The following VCP variants were observed in gnomAD, a reference collection of about 807,000 sequenced individuals.
VCP encodes the protein valosin containing protein.
Under a neutral mutation model 85.7 loss-of-function variants are expected in VCP, and 6 were observed. The observed-to-expected ratio is 0.07, with a 90% CI of 0.04 to 0.14. The LOEUF (loss-of-function observed/expected upper bound fraction) is 0.14, where lower values mean the gene tolerates loss of function less well. Among genes scored for constraint, VCP ranks in the 10% least tolerant of loss-of-function variants. VCP has a pLI of 1.00. For synonymous variants in VCP, 384 were observed against 367.1 expected (o/e 1.05, Z -0.53); for missense variants, 353 against 1,043.4 (o/e 0.34, Z 9.12).
At chr9:35,067,309 G>C (rs1027782282) in intron 3 of VCP, among the ~76,000 whole-genome samples, 1 of 152,172 alleles carries the variant, frequency 6.6e-6, no homozygotes, top group Admixed American at 6.5e-5. Context: ...GTGATGGTTG[G>C]TTGGGTAGGA....
At chr9:35,064,021 G>C in intron 6 of VCP, 133 bp downstream of exon 6, 1 of 1,432,022 alleles carries the variant, frequency 7.0e-7, no homozygotes, top group Non-Finnish European at 9.7e-7. Context: ...GTAAACTAAA[G>C]GATACGTTAT....
chr9:35,069,095 G>A (rs1828888774), intron 1 of VCP, among the ~76,000 whole-genome samples: 1 of 152,168 alleles, frequency 6.6e-6, no homozygotes, highest in African/African-American at 2.4e-5. Flanking sequence ...TAAACCTACT[G>A]ATGCCAGGGC....
chr9:35,069,556 G>A (rs959929550), intron 1 of VCP, among the ~76,000 whole-genome samples: 1 of 149,672 alleles, frequency 6.7e-6, no homozygotes. Flanking sequence ...GGGTTCAAGT[G>A]ATTCTCCTGC....
At chr9:35,062,420 T>C in intron 7 of VCP, 70 bp from the exon 8 acceptor site, 1 of 1,610,594 alleles carries the variant, frequency 6.2e-7, no homozygotes. Flanking sequence ...AAATCAGTTA[T>C]CTTGCTTGTT....
chr9:35,070,644 C>A (rs1489237449), intron 1 of VCP, among the ~76,000 whole-genome samples: 1 of 152,100 alleles, frequency 6.6e-6, no homozygotes, highest in East Asian at 1.9e-4. Context: ...CCATGTTGCC[C>A]GGGCTGGTCT....
rs769080463 is a variant in VCP, at chr9:35,057,242, C to G, written c.2316-20G>C. 4 of 1,613,976 alleles carry G rather than the reference C, an allele frequency of 2.5e-6. No individual in the cohort carries two copies. The highest frequency in any genetic ancestry group is 1.7e-6 in the Non-Finnish European group (2 of 1,180,004). Reference sequence around the variant, plus strand: ...GGGAATCTGTGTACAAGAGCAAAGCCAAAAAAGAGGGTTAGGACAGGGCCT... The same window carrying G: ...GGGAATCTGTGTACAAGAGCAAAGCGAAAAAAGAGGGTTAGGACAGGGCCT... On this transcript the variant is annotated intron_variant, in intron 16 of 16. Transcript: ENST00000358901.
chr9:35,059,380 T>C lies in VCP; in HGVS notation c.2004+113A>G. ...TCTTGATATCCTCAAAAATTCTACC[T>C]TCCCTTTAGACCAACCCTAACCCCA... On this transcript the variant is annotated intron_variant, in intron 14 of 16. Coordinates refer to ENST00000358901, the MANE Select transcript of VCP (RefSeq NM_007126.5). The surrounding 1 kb of genome is among the most constrained non-coding windows in gnomAD (Gnocchi z 4.9). 1 of 1,534,206 alleles carries C rather than the reference T, an allele frequency of 6.5e-7. No individual in the cohort carries two copies. Among genetic ancestry groups the C allele is most frequent in the South Asian group, 1.2e-5 (1 of 84,890 alleles).
chr9:35,066,655 A>G lies in VCP; in HGVS notation c.445+20T>C, dbSNP rs758842516. 2 of 1,613,802 alleles carry G rather than the reference A, an allele frequency of 1.2e-6. No individual in the cohort carries two copies. Among genetic ancestry groups the G allele is most frequent in the African/African-American group, 1.3e-5 (1 of 74,930 alleles). On this transcript the variant is annotated intron_variant, in intron 4 of 16. Coordinates refer to ENST00000358901, the MANE Select transcript of VCP (RefSeq NM_007126.5). The stretch of plus-strand genomic sequence containing the variant: ...TATTCCCTACAGTCAATAATCCTTA[A>G]GCTCAGAATTAGCTCTCACCTTTCC...
Position 35,057,381 on chromosome 9 carries a change from G to A in VCP, c.2310C>T (p.Ser770=). 6.2e-7 allele frequency: 1 copy of A among 1,614,250 alleles called. No individual in the cohort carries two copies. The highest frequency in any genetic ancestry group is 8.5e-7 in the Non-Finnish European group (1 of 1,180,048). The change falls in exon 16 of 17, where the codon AGC becomes AGT. Residue 770 remains serine, a synonymous_variant. Coordinates refer to ENST00000358901, the MANE Select transcript of VCP (RefSeq NM_007126.5). ...AATGCTCCCAACCAACTTACCTGAAGCTGCCAAAGCCCCGACTCTGCTGAA... is the reference window on the plus strand; with the variant it reads ...AATGCTCCCAACCAACTTACCTGAAACTGCCAAAGCCCCGACTCTGCTGAA... ...QTLQQSRGFG[S]FRFPSGNQGG...
intron 3 of VCP, 60 bp downstream of exon 3, chr9:35,067,831 C>A: frequency 6.2e-7 from 1 of 1,609,422 alleles, no homozygotes; most frequent in Admixed American, 1.7e-5. Context: ...ATGGGTCCTG[C>A]CTGTAATGCA....
Position 35,056,991 on chromosome 9 carries a change from A to C in VCP, c.*126T>G. The C allele has an allele frequency of 2.2e-6, 2 of 914,822 alleles. No homozygotes were observed. The highest frequency in any genetic ancestry group is 2.6e-5 in the South Asian group (2 of 75,862). 56.7% of individuals were successfully genotyped at this position (914,822 alleles called of 1,614,324 possible). On this transcript the variant is annotated 3_prime_UTR_variant, in exon 17 of 17. Transcript: ENST00000358901. ...CCTGTCCAGAGTCAGACTGTAGCTG[A>C]ACTGTTCAGACTGGAGAATGGAGCA...
At chr9:35,069,611 C>T (rs489922) in intron 1 of VCP, among the ~76,000 whole-genome samples, 1 of 152,068 alleles carries the variant, frequency 6.6e-6, no homozygotes, top group East Asian at 1.9e-4. Flanking sequence ...CGCCACCACA[C>T]CTGGCTAATT....
chr9:35,067,040 C>G (rs541795781), intron 3 of VCP, among the ~76,000 whole-genome samples: 2 of 152,290 alleles, frequency 1.3e-5, no homozygotes, highest in East Asian at 3.9e-4. Context: ...ATTTAGAAAC[C>G]CCACAAAGAC....
chr9:35,063,028 A>G lies in VCP; in HGVS notation c.761T>C (p.Ile254Thr). 6.2e-7 allele frequency: 1 copy of G among 1,614,064 alleles called. No homozygotes were observed. The highest frequency in any genetic ancestry group is 8.5e-7 in the Non-Finnish European group (1 of 1,180,012). Reference sequence around the variant, plus strand: ...AGTCTCATTTGCTACAGCTCGAGCAATCAGGGTCTTTCCTGTTCCAGGAGG... The same window carrying G: ...AGTCTCATTTGCTACAGCTCGAGCAGTCAGGGTCTTTCCTGTTCCAGGAGG... ...YGPPGTGKTLIARAVANETGA... is the reference protein window; with the variant it reads ...YGPPGTGKTLTARAVANETGA... Residue 254 changes from isoleucine to threonine, a missense_variant, in exon 7 of 17, where the codon ATT becomes ACT. Ile to Thr is a moderately conservative substitution (Grantham distance 89). Coordinates refer to ENST00000358901, the MANE Select transcript of VCP (RefSeq NM_007126.5).
At chr9:35,071,870 T>G (rs1336255592) in intron 1 of VCP, 5 of 993,650 alleles carry the variant, frequency 5.0e-6, no homozygotes, top group Non-Finnish European at 6.0e-6. Context: ...GGCCTTCACA[T>G]GGCGCAAAGT....
chr9:35,059,333 T>C lies in VCP; in HGVS notation c.2005-114A>G. The C allele has an allele frequency of 1.3e-6, 2 of 1,545,248 alleles. No individual in the cohort carries two copies. The highest frequency in any genetic ancestry group is 1.8e-6 in the Non-Finnish European group (2 of 1,137,286). On this transcript the variant is annotated intron_variant, in intron 14 of 16. Coordinates refer to ENST00000358901, the MANE Select transcript of VCP (RefSeq NM_007126.5). The surrounding 1 kb of genome is among the most constrained non-coding windows in gnomAD (Gnocchi z 4.9). Reference sequence around the variant, plus strand: ...GTTTGCCCCTTCTTTGGCCACCCCATTTTATTCCTGATTCTAGATTATCTT... The same window carrying C: ...GTTTGCCCCTTCTTTGGCCACCCCACTTTATTCCTGATTCTAGATTATCTT...
Position 35,072,378 on chromosome 9 carries a change from G to A in VCP, c.-25C>T, listed in dbSNP as rs1230307606. On this transcript the variant is annotated 5_prime_UTR_variant, in exon 1 of 17. Transcript: ENST00000358901. ...TGGCGCGCGCCTCTCCCGGCCGGCG[G>A]CTGTGGCGGCCCGCGGGTAACGGCT... The A allele has an allele frequency of 4.7e-6, 7 of 1,474,334 alleles. No homozygotes were observed. The African/African-American group carries it at 5.9e-5, about 12-fold the overall frequency. The allele number at this position is 1,474,334 out of a possible 1,614,324, so 91.3% of individuals were successfully genotyped here.
At position 35,063,057 on chromosome 9, in the gene VCP, G is replaced by A. The variant is rs201610567; in HGVS notation, c.732C>T (p.Tyr244=). 34 of 1,614,088 alleles carry A rather than the reference G, an allele frequency of 2.1e-5. No individual in the cohort carries two copies. Among genetic ancestry groups the A allele is most frequent in the Admixed American group, 1.7e-4 (10 of 60,012 alleles). ...GGGTCTTTCCTGTTCCAGGAGGTCC[G>A]TAAAGCAGGATTCCTCTAGGAGGCT... The part of the protein sequence containing the change: ...GVKPPRGILL[Y]GPPGTGKTLI... The change falls in exon 7 of 17, where the codon TAC becomes TAT. Residue 244 remains tyrosine (Y), a synonymous_variant. Coordinates refer to ENST00000358901, the MANE Select transcript of VCP (RefSeq NM_007126.5).
chr9:35,072,004 G>C (rs739844), intron 1 of VCP: 746,737 of 1,120,266 alleles, frequency 0.67, 259,397 homozygotes, highest in Non-Finnish European at 0.71. Flanking sequence ...GGGGCGCCGC[G>C]CCGGCGGAGT....
Sources: gnomAD v4.1 joint callset for allele counts (sites outside exome capture counted in the v4.1 genomes callset) on GRCh38, gnomAD v4.1.1 for gene constraint, Gnocchi (gnomAD v3.1) non-coding constraint, MANE v1.5 for transcripts, NCBI Gene and HGNC (gene_info 2026-07-23, HGNC 2026-07-21) for gene names.